GRIK1: variants seen among roughly 807,000 people sequenced by gnomAD.
GRIK1 encodes glutamate ionotropic receptor kainate type subunit 1.
A neutral mutation model predicts 105.7 loss-of-function variants in GRIK1; 69 were observed. The ratio of observed to expected loss-of-function variants is 0.65; its 90% CI spans 0.54 to 0.80. GRIK1 has a LOEUF of 0.80. Ranked by LOEUF, GRIK1 falls within the 30% of genes least tolerant of loss-of-function variation. The pLI is 0.00. For synonymous variants in GRIK1, 438 were observed against 431.3 expected (o/e 1.02, Z -0.19); for missense variants, 1,109 against 1,167.3 (o/e 0.95, Z 0.73).
chr21:29,690,988 C>G (rs2063574270), intron 2 of GRIK1, among the ~76,000 whole-genome samples: 1 of 151,816 alleles, frequency 6.6e-6, no homozygotes, highest in Non-Finnish European at 1.5e-5. Flanking sequence ...TAGAATAGAC[C>G]ATTTCATAGG....
chr21:29,671,873 T>C (rs1278853323), intron 4 of GRIK1, among the ~76,000 whole-genome samples: 2 of 152,100 alleles, frequency 1.3e-5, no homozygotes, highest in African/African-American at 4.8e-5. Context: ...TTTAAACGTC[T>C]CACTAGCCTT....
chr21:29,547,057 A>T (rs185083884), intron 16 of GRIK1, among the ~76,000 whole-genome samples: 1 of 152,286 alleles, frequency 6.6e-6, no homozygotes, highest in East Asian at 1.9e-4. Flanking sequence ...GTGAATTGTG[A>T]ATGTGTATTC....
At chr21:29,831,907 G>C (rs897437883) in intron 1 of GRIK1, among the ~76,000 whole-genome samples, 1 of 151,980 alleles carries the variant, frequency 6.6e-6, no homozygotes, top group Non-Finnish European at 1.5e-5. Context: ...ATCTCATCTG[G>C]GACAAGGTAA....
intron 1 of GRIK1, among the ~76,000 whole-genome samples, chr21:29,827,211 T>C (rs188137095): frequency 6.6e-6 from 1 of 152,250 alleles, no homozygotes; most frequent in Non-Finnish European, 1.5e-5. Context: ...GAGATATACA[T>C]TGCTATTTTA....
At chr21:29,838,430 G>A (rs2067872304) in intron 1 of GRIK1, among the ~76,000 whole-genome samples, 1 of 152,106 alleles carries the variant, frequency 6.6e-6, no homozygotes, top group African/African-American at 2.4e-5. Flanking sequence ...AAACTCAAAA[G>A]GTGAAACAGT....
chr21:29,629,194 A>ATGTG (rs71191120), intron 7 of GRIK1, among the ~76,000 whole-genome samples: 6,389 of 132,576 alleles, frequency 0.048, 158 homozygotes, highest in South Asian at 0.067. Context: ...GAAAGGAGAA[A>ATGTG]TGTGTGTGTG....
At chr21:29,677,538 A>G (rs559853729) in intron 3 of GRIK1, among the ~76,000 whole-genome samples, 5 of 152,240 alleles carry the variant, frequency 3.3e-5, no homozygotes, top group African/African-American at 1.2e-4. Context: ...GCTGATTTGC[A>G]TGCACATTGG....
intron 1 of GRIK1, among the ~76,000 whole-genome samples, chr21:29,804,033 G>A (rs527973618): frequency 2.0e-5 from 3 of 152,184 alleles, no homozygotes; most frequent in African/African-American, 7.2e-5. Flanking sequence ...ATACACTAAG[G>A]CAAAGGGTTG....
chr21:29,924,349 GA>G (rs535780664), intron 1 of GRIK1, among the ~76,000 whole-genome samples: 298 of 146,606 alleles, frequency 2.0e-3, no homozygotes, highest in African/African-American at 6.8e-3. Flanking sequence ...AAAAAAAAAA[GA>G]AAAAAAAGAA....
At chr21:29,867,918 AAGAGAGAAAG>A (rs1158159943) in intron 1 of GRIK1, among the ~76,000 whole-genome samples, 3 of 127,916 alleles carry the variant, frequency 2.3e-5, no homozygotes, top group African/African-American at 7.3e-5. Flanking sequence ...AAGAGAGAGA[AAGAGAGAAAG>A]AGAGAGAAAG....
intron 1 of GRIK1, among the ~76,000 whole-genome samples, chr21:29,933,631 AGG>A (rs2071648472): frequency 6.6e-6 from 1 of 152,148 alleles, no homozygotes; most frequent in African/African-American, 2.4e-5. Flanking sequence ...AGAGAGAGAG[AGG>A]GAGAGAGTTA....
intron 2 of GRIK1, 32 bp downstream of exon 2, chr21:29,693,863 CA>C (rs772651564): frequency 1.9e-6 from 3 of 1,549,108 alleles, no homozygotes; most frequent in Non-Finnish European, 2.7e-6. Flanking sequence ...ACATATCACC[CA>C]AAGAAGCTTT....
At chr21:29,832,581 A>G (rs534540470) in intron 1 of GRIK1, among the ~76,000 whole-genome samples, 1 of 152,252 alleles carries the variant, frequency 6.6e-6, no homozygotes, top group African/African-American at 2.4e-5. Context: ...TACACTCTGG[A>G]GCAGTAGCCT....
intron 1 of GRIK1, among the ~76,000 whole-genome samples, chr21:29,727,265 A>G (rs371302108): frequency 6.6e-6 from 1 of 152,174 alleles, no homozygotes; most frequent in Non-Finnish European, 1.5e-5. Context: ...GGATAGGAAC[A>G]TATTTTTAGG....
intron 7 of GRIK1, among the ~76,000 whole-genome samples, chr21:29,620,427 A>G (rs1433757018): frequency 2.6e-5 from 4 of 152,210 alleles, no homozygotes; most frequent in African/African-American, 9.6e-5. Flanking sequence ...CAGCCAATCA[A>G]GCAATTTGTT....
intron 1 of GRIK1, among the ~76,000 whole-genome samples, chr21:29,731,932 T>C (rs2064636269): frequency 1.3e-5 from 2 of 152,198 alleles, no homozygotes; most frequent in African/African-American, 4.8e-5. Context: ...TTTAGCAGAA[T>C]TTATGTTACT....
At chr21:29,553,491 C>A (rs1301511647) in intron 16 of GRIK1, 2 of 1,472,966 alleles carry the variant, frequency 1.4e-6, no homozygotes, top group Non-Finnish European at 1.8e-6. Context: ...ATACAAATAT[C>A]AACAACACCA....
At chr21:29,540,970 ATTTT>A (rs3054285) in intron 16 of GRIK1, among the ~76,000 whole-genome samples, 13 of 134,600 alleles carry the variant, frequency 9.7e-5, no homozygotes, top group Non-Finnish European at 1.1e-4. Context: ...CTTGCACTTG[ATTTT>A]TTTTTTTTTT....
At chr21:29,810,434 C>T (rs1397701919) in intron 1 of GRIK1, among the ~76,000 whole-genome samples, 7 of 151,626 alleles carry the variant, frequency 4.6e-5, no homozygotes, top group Admixed American at 4.6e-4. Context: ...ATAGGTTGCT[C>T]AATGCAGGCG....
Sources: gnomAD v4.1 joint callset for allele counts (sites outside exome capture counted in the v4.1 genomes callset) on GRCh38, gnomAD v4.1.1 for gene constraint, MANE v1.5 for transcripts, NCBI Gene and HGNC (gene_info 2026-07-23, HGNC 2026-07-21) for gene names.